Variants in PTGER3 observed in about 807,000 individuals in gnomAD.
PTGER3 encodes prostaglandin E2 receptor EP3 subtype.
A neutral mutation model predicts 34.7 loss-of-function variants in PTGER3; 22 were observed. The observed-to-expected ratio is 0.63, with a 90% confidence interval of 0.45 to 0.91. The LOEUF (loss-of-function observed/expected upper bound fraction) is 0.91, where lower values mean the gene tolerates loss of function less well. Among genes scored for constraint, PTGER3 ranks in the 40% least tolerant of loss-of-function variants. PTGER3 has a pLI of 0.00. For missense variants in PTGER3, 468 were observed against 519.4 expected (o/e 0.90, Z 0.96); for synonymous variants, 241 against 230.1 (o/e 1.05, Z -0.43).
intron 2 of PTGER3, chr1:71,007,290 G>C (rs865971036): frequency 1.0e-6 from 1 of 985,388 alleles, no homozygotes; most frequent in Admixed American, 6.2e-5. Flanking sequence ...TATTTTAATT[G>C]GTTTGCTTAA....
At chr1:70,947,739 G>T (rs988881774), downstream of PTGER3, among the ~76,000 whole-genome samples, 1 of 152,094 alleles carries the variant, frequency 6.6e-6, no homozygotes, top group Non-Finnish European at 1.5e-5. Flanking sequence ...TGCTGTTGGG[G>T]TCTGAATTTC....
At chr1:71,008,089 C>G in intron 2 of PTGER3, 1 of 982,288 alleles carries the variant, frequency 1.0e-6, no homozygotes, top group Middle Eastern at 5.2e-4. Flanking sequence ...CAATCCCAGC[C>G]TCATCAACAG....
intron 1 of PTGER3, among the ~76,000 whole-genome samples, chr1:71,040,043 A>AAGAG (rs954655324): frequency 6.6e-6 from 1 of 151,516 alleles, no homozygotes; most frequent in Non-Finnish European, 1.5e-5. Flanking sequence ...TTCAGAAAGA[A>AAGAG]AGAGAGAGAG....
intron 4 of PTGER3, among the ~76,000 whole-genome samples, chr1:70,938,886 G>A (rs968061690): frequency 4.6e-5 from 7 of 152,022 alleles, no homozygotes; most frequent in East Asian, 1.9e-4. Flanking sequence ...AAAATTCCAC[G>A]CCGGCCCCTC....
intron 4 of PTGER3, among the ~76,000 whole-genome samples, chr1:70,863,341 C>A (rs191527719): frequency 6.6e-6 from 1 of 152,174 alleles, no homozygotes; most frequent in African/African-American, 2.4e-5. Flanking sequence ...CCTTAGGGTG[C>A]TTTGGATCTG....
At chr1:71,026,407 C>T (rs896909440) in intron 1 of PTGER3, among the ~76,000 whole-genome samples, 12 of 152,160 alleles carry the variant, frequency 7.9e-5, no homozygotes, top group African/African-American at 2.4e-4. Context: ...CTTTAGTTTC[C>T]GAAACTTCTG....
At chr1:71,036,150 T>G (rs989786723) in intron 1 of PTGER3, among the ~76,000 whole-genome samples, 3 of 152,316 alleles carry the variant, frequency 2.0e-5, no homozygotes, top group African/African-American at 7.2e-5. Flanking sequence ...GGAAATTGTG[T>G]GGTATACCAA....
chr1:70,940,936 G>A (rs1335727132), intron 4 of PTGER3, among the ~76,000 whole-genome samples: 2 of 152,068 alleles, frequency 1.3e-5, no homozygotes, highest in Non-Finnish European at 2.9e-5. Context: ...TAACTATCTT[G>A]AGCCTATCCT....
intron 2 of PTGER3, chr1:71,010,501 T>C: frequency 1.0e-5 from 10 of 984,302 alleles, no homozygotes; most frequent in Non-Finnish European, 1.2e-5. Flanking sequence ...CTAATCATGC[T>C]CATGCCACTC....
chr1:70,940,206 T>A (rs1370267896), intron 4 of PTGER3, among the ~76,000 whole-genome samples: 1 of 152,166 alleles, frequency 6.6e-6, no homozygotes, highest in Non-Finnish European at 1.5e-5. Context: ...CTTTACTCCA[T>A]TTCCCAACAA....
At chr1:70,994,054 G>A (rs1250198891) in intron 2 of PTGER3, among the ~76,000 whole-genome samples, 2 of 152,156 alleles carry the variant, frequency 1.3e-5, no homozygotes, top group Non-Finnish European at 2.9e-5. Flanking sequence ...TGCGGCCAAA[G>A]GCTGCTCTGC....
intron 4 of PTGER3, among the ~76,000 whole-genome samples, chr1:70,946,014 TA>T (rs1223725906): frequency 6.6e-6 from 1 of 152,088 alleles, no homozygotes; most frequent in Non-Finnish European, 1.5e-5. Flanking sequence ...AAATTACTTT[TA>T]GTAATTTCAT....
intron 3 of PTGER3, among the ~76,000 whole-genome samples, chr1:70,973,341 G>C (rs1021833870): frequency 1.3e-5 from 2 of 151,916 alleles, no homozygotes; most frequent in Non-Finnish European, 2.9e-5. Flanking sequence ...AAATTGTATT[G>C]GCCTCATGAT....
intron 2 of PTGER3, among the ~76,000 whole-genome samples, chr1:70,974,919 A>G (rs377566925): frequency 1.4e-4 from 21 of 152,194 alleles, no homozygotes; most frequent in African/African-American, 4.8e-4. Flanking sequence ...GGGCCTTTGT[A>G]CTTGCACTTT....
At chr1:71,020,165 C>A (rs1339803849) in intron 1 of PTGER3, among the ~76,000 whole-genome samples, 1 of 152,060 alleles carries the variant, frequency 6.6e-6, no homozygotes, top group Non-Finnish European at 1.5e-5. Flanking sequence ...CAACAGTTCT[C>A]CAGTTGTCAA....
At chr1:71,046,521 C>T (rs1362469711) in intron 1 of PTGER3, among the ~76,000 whole-genome samples, 160 bp downstream of exon 1, 1 of 152,190 alleles carries the variant, frequency 6.6e-6, no homozygotes, top group African/African-American at 2.4e-5. Flanking sequence ...AGGAGCTCAG[C>T]TCTGAAGCTG....
chr1:71,006,951 A>T, intron 2 of PTGER3: 1 of 985,580 alleles, frequency 1.0e-6, no homozygotes. Flanking sequence ...CTTGAATGCC[A>T]GCAAAAGTCT....
At chr1:70,998,307 A>G (rs80104508) in intron 2 of PTGER3, 1 of 152,224 alleles carries the variant, frequency 6.6e-6, no homozygotes, top group Non-Finnish European at 1.5e-5. Context: ...AATTTTATAC[A>G]TGAATATATA....
At chr1:71,005,816 T>G in intron 2 of PTGER3, 1 of 947,686 alleles carries the variant, frequency 1.1e-6, no homozygotes, top group Non-Finnish European at 1.3e-6. Context: ...TTTACCAGCA[T>G]GATGGTGGAA....
Sources: allele counts gnomAD v4.1 joint callset (sites outside exome capture counted in the v4.1 genomes callset), GRCh38; gene constraint gnomAD v4.1.1; transcripts MANE v1.5; gene names NCBI Gene and HGNC (gene_info 2026-07-23, HGNC 2026-07-21).